KIF2A: variants seen among roughly 807,000 people sequenced by gnomAD.
KIF2A encodes kinesin-like protein KIF2A.
Under a neutral mutation model 100.2 loss-of-function variants are expected in KIF2A, and 22 were observed. The ratio of observed to expected loss-of-function variants is 0.22; its 90% confidence interval spans 0.16 to 0.31. The LOEUF (loss-of-function observed/expected upper bound fraction) is 0.31, where lower values mean the gene tolerates loss of function less well. Among genes scored for constraint, KIF2A ranks in the 10% least tolerant of loss-of-function variants. The pLI, the probability that KIF2A is intolerant of heterozygous loss-of-function variation, is 1.00. For missense variants in KIF2A, 495 were observed against 898.7 expected (o/e 0.55, Z 5.74); for synonymous variants, 268 against 285.9 (o/e 0.94, Z 0.63).
At chr5:62,357,092 T>A (rs1748150749) in intron 7 of KIF2A, among the ~76,000 whole-genome samples, 1 of 148,182 alleles carries the variant, frequency 6.7e-6, no homozygotes, top group Non-Finnish European at 1.5e-5. Flanking sequence ...ACTTCTTTTT[T>A]TTTTTGGTCC....
At chr5:62,318,942 T>C (rs1353418468) in intron 1 of KIF2A, among the ~76,000 whole-genome samples, 1 of 152,214 alleles carries the variant, frequency 6.6e-6, no homozygotes, top group Non-Finnish European at 1.5e-5. Context: ...TTCACTCTAT[T>C]GCTCCAGTCA....
rs78009647 is a variant in KIF2A, at chr5:62,327,579, C to T, written c.65-19551C>T. On this transcript the variant is annotated intron_variant, in intron 1 of 20. Coordinates refer to ENST00000407818, the MANE Select transcript of KIF2A (RefSeq NM_001098511.3). ...CTGGACAGATATCTTAAACTTCATA[C>T]GTACAAAACCAAACTCATAATCTGA... Among the ~76,000 whole-genome samples, 739 of 152,338 alleles carry T rather than the reference C, an allele frequency of 4.9e-3. 7 individuals are homozygous for T. Among genetic ancestry groups the T allele is most frequent in the African/African-American group, 0.017 (693 of 41,582 alleles).
At chr5:62,374,539 A>C (rs1302435411) in intron 18 of KIF2A, among the ~76,000 whole-genome samples, 1 of 152,136 alleles carries the variant, frequency 6.6e-6, no homozygotes, top group African/African-American at 2.4e-5. Flanking sequence ...AATCTAAACC[A>C]TTCATTTTTT....
At chr5:62,330,508 AC>A (rs1473959800) in intron 1 of KIF2A, among the ~76,000 whole-genome samples, 1 of 152,210 alleles carries the variant, frequency 6.6e-6, no homozygotes, top group Non-Finnish European at 1.5e-5. Flanking sequence ...GCATCTGTTT[AC>A]CAACCACTTT....
intron 20 of KIF2A, among the ~76,000 whole-genome samples, chr5:62,381,511 A>C (rs1028812756): frequency 1.3e-5 from 2 of 152,184 alleles, no homozygotes; most frequent in African/African-American, 4.8e-5. Context: ...CAAATTTATA[A>C]ATTTTATGTA....
intron 1 of KIF2A, among the ~76,000 whole-genome samples, chr5:62,317,128 A>G (rs143262294): frequency 6.6e-6 from 1 of 151,618 alleles, no homozygotes; most frequent in East Asian, 1.9e-4. Flanking sequence ...GGCTCACTGC[A>G]ACCTCTGCCT....
At chr5:62,326,887 C>G (rs1405935922) in intron 1 of KIF2A, among the ~76,000 whole-genome samples, 1 of 152,066 alleles carries the variant, frequency 6.6e-6, no homozygotes, top group Non-Finnish European at 1.5e-5. Context: ...GTCCTACCTA[C>G]TGAGGAGGCT....
intron 1 of KIF2A, among the ~76,000 whole-genome samples, chr5:62,313,286 A>G (rs1429689769): frequency 6.6e-6 from 1 of 152,168 alleles, no homozygotes; most frequent in Non-Finnish European, 1.5e-5. Context: ...AATACATGTC[A>G]TATATGCCAT....
intron 11 of KIF2A, 32 bp from the exon 12 acceptor site, chr5:62,362,418 T>TTTG: frequency 9.5e-7 from 1 of 1,053,022 alleles, no homozygotes; most frequent in Non-Finnish European, 1.3e-6. Flanking sequence ...ATTTGTTGGA[T>TTTG]CTCAATTTTC....
At chr5:62,347,040 TA>T in intron 1 of KIF2A, 89 bp from the exon 2 acceptor site, 1 of 703,440 alleles carries the variant, frequency 1.4e-6, no homozygotes, top group Non-Finnish European at 2.4e-6. Flanking sequence ...ATTTTTTTTT[TA>T]ATTTCCAAGT....
Position 62,388,365 on chromosome 5 carries a change from G to A in KIF2A, c.*2796G>A, listed in dbSNP as rs1194043822. 3 of 152,242 alleles carry A rather than the reference G, an allele frequency of 2.0e-5. No homozygotes were observed. Among genetic ancestry groups the A allele is most frequent in the African/African-American group, 7.2e-5 (3 of 41,444 alleles). The allele number at this position is 152,242 out of a possible 1,614,324, so 9.4% of individuals were successfully genotyped here. A position where few individuals can be genotyped will look rare whatever the true frequency, so the allele number is the denominator to read the frequency against. On this transcript the variant is annotated 3_prime_UTR_variant, in exon 21 of 21. Transcript: ENST00000407818. ...CCTCATTTTACATGTTGGGAGTCAT[G>A]CCCTTTAATATGCCTGGCACTGCAC...
intron 1 of KIF2A, among the ~76,000 whole-genome samples, chr5:62,307,613 C>T (rs1396347543): frequency 6.7e-6 from 1 of 149,758 alleles, no homozygotes; most frequent in Non-Finnish European, 1.5e-5. Flanking sequence ...CTGACTCCAT[C>T]TCTCATACCG....
At chr5:62,370,918 A>G (rs761020825) in intron 16 of KIF2A, among the ~76,000 whole-genome samples, 2 of 152,290 alleles carry the variant, frequency 1.3e-5, no homozygotes, top group Non-Finnish European at 2.9e-5. Context: ...GTCTAAATTA[A>G]AAGATTTAGA....
intron 5 of KIF2A, chr5:62,352,995 T>C (rs2111926000): frequency 2.4e-6 from 1 of 417,974 alleles, no homozygotes; most frequent in South Asian, 4.8e-5. Context: ...AAGAATGTGT[T>C]GGGCTCCTTG....
intron 13 of KIF2A, among the ~76,000 whole-genome samples, 172 bp from the exon 14 acceptor site, chr5:62,363,523 G>A (rs996579930): frequency 1.1e-4 from 16 of 152,130 alleles, no homozygotes; most frequent in African/African-American, 3.4e-4. Context: ...GGATTAAATT[G>A]TATGAATCTG....
intron 1 of KIF2A, chr5:62,306,781 G>C: frequency 2.1e-6 from 1 of 483,896 alleles, no homozygotes; most frequent in Non-Finnish European, 3.6e-6. Context: ...AAGGGCCCGG[G>C]TGTCGAGGGT....
Position 62,366,501 on chromosome 5 carries a change from A to C in KIF2A, c.1646+20A>C. The C allele has an allele frequency of 6.9e-7, 1 of 1,442,730 alleles. No homozygotes were observed. The highest frequency in any genetic ancestry group is 1.4e-5 in the African/African-American group (1 of 71,896). The allele number at this position is 1,442,730 out of a possible 1,614,324, so 89.4% of individuals were successfully genotyped here. A position where few individuals can be genotyped will look rare whatever the true frequency, so the allele number is the denominator to read the frequency against. ...AAATAGGTATGAGAGATAGTTCTCC[A>C]TTTTGAAATTTGAGGGGAGTACAGC... On this transcript the variant is annotated intron_variant, in intron 16 of 20. Coordinates refer to ENST00000407818, the MANE Select transcript of KIF2A (RefSeq NM_001098511.3).
chr5:62,390,763 G>A lies in KIF2A; in HGVS notation c.*5194G>A. The A allele has an allele frequency of 1.2e-6, 1 of 808,134 alleles. No individual in the cohort carries two copies. Among genetic ancestry groups the A allele is most frequent in the South Asian group, 1.5e-5 (1 of 67,286 alleles). 50.1% of individuals were successfully genotyped at this position (808,134 alleles called of 1,614,324 possible). A position where few individuals can be genotyped will look rare whatever the true frequency, so the allele number is the denominator to read the frequency against. ...CTATTCCATGCCATGGAAGTGCTATGCAATAACTCTCCCAGGTAGCACCTT... is the reference window on the plus strand; with the variant it reads ...CTATTCCATGCCATGGAAGTGCTATACAATAACTCTCCCAGGTAGCACCTT... On this transcript the variant is annotated 3_prime_UTR_variant, in exon 21 of 21. Coordinates refer to ENST00000407818, the MANE Select transcript of KIF2A (RefSeq NM_001098511.3).
intron 14 of KIF2A, 151 bp from the exon 15 acceptor site, chr5:62,365,092 C>CAA: frequency 2.7e-5 from 11 of 405,370 alleles, no homozygotes; most frequent in Non-Finnish European, 3.9e-5. Context: ...GACTTTGTCT[C>CAA]AAAAAAAAAA....
Sources: gnomAD v4.1 joint callset for allele counts (sites outside exome capture counted in the v4.1 genomes callset) on GRCh38, gnomAD v4.1.1 for gene constraint, MANE v1.5 for transcripts, NCBI Gene and HGNC (gene_info 2026-07-23, HGNC 2026-07-21) for gene names.